USP49: variants seen among roughly 807,000 people sequenced by gnomAD.
USP49 encodes ubiquitin carboxyl-terminal hydrolase 49.
USP49 carries 24 observed loss-of-function variants against 58.6 expected under a neutral mutation model. That is an observed-to-expected ratio of 0.41 (90% confidence interval 0.30 to 0.58). USP49 has a LOEUF of 0.58. USP49 is among the 20% of genes least tolerant of loss of function. The pLI is 0.30. For missense variants in USP49, 703 were observed against 866.1 expected, an observed-to-expected ratio of 0.81 and a Z score of 2.36; for synonymous variants, 408 against 365.1, an observed-to-expected ratio of 1.12 and a Z score of -1.34.
intron 3 of USP49, among the ~76,000 whole-genome samples, chr6:41,833,312 G>A (rs1016371038): frequency 8.6e-5 from 13 of 151,950 alleles, no homozygotes; most frequent in Non-Finnish European, 1.5e-4. Context: ...CACCACGCCC[G>A]GCCTTGACAC....
chr6:41,871,128 T>C (rs778909133), intron 3 of USP49, among the ~76,000 whole-genome samples: 11 of 152,118 alleles, frequency 7.2e-5, no homozygotes, highest in Non-Finnish European at 1.0e-4. Context: ...AGAATTCTAT[T>C]TGATTACCAC....
rs752172891 is a variant in USP49 at position 41,881,139 on chromosome 6, G to A, written c.-102-9502C>T. ...AGTAGAGATGGGGTTTCACCATGTTGGCCAGGCTGATTTCAAACTCCTGAC... is the reference window on the plus strand; with the variant it reads ...AGTAGAGATGGGGTTTCACCATGTTAGCCAGGCTGATTTCAAACTCCTGAC... On this transcript the variant is annotated intron_variant, in intron 2 of 7. Coordinates refer to ENST00000682992, the MANE Select transcript of USP49 (RefSeq NM_001286554.2). Among the ~76,000 whole-genome samples the A allele has an allele frequency of 4.6e-5, 7 of 151,326 alleles. No homozygotes were observed. In the South Asian group the frequency reaches 1.0e-3, roughly 23 times the overall value.
chr6:41,868,817 A>G (rs961487840), intron 3 of USP49: 11 of 151,430 alleles, frequency 7.3e-5, no homozygotes, highest in Non-Finnish European at 1.2e-4. Flanking sequence ...AGGCTGGAGT[A>G]CAGTGGCGTG....
intron 1 of USP49, among the ~76,000 whole-genome samples, chr6:41,892,137 G>A (rs1774819803): frequency 6.6e-6 from 1 of 152,180 alleles, no homozygotes; most frequent in Non-Finnish European, 1.5e-5. Flanking sequence ...ATGAGACTCA[G>A]TGGTTTAGCA....
chr6:41,803,971 C>T lies in USP49; in HGVS notation c.1396G>A (p.Glu466Lys). 2 of 1,614,056 alleles carry T rather than the reference C, an allele frequency of 1.2e-6. No individual in the cohort carries two copies. The highest frequency in any genetic ancestry group is 1.7e-6 in the Non-Finnish European group (2 of 1,180,020). The change falls in exon 5 of 8, where the codon GAG becomes AAG. Residue 466 changes from glutamate (E) to lysine (K), a missense_variant. Transcript: ENST00000682992. This position sits in a 1 kb window ranked among gnomAD's most constrained non-coding sequence, Gnocchi z 4.1. ...TCCAGGGATAGGTCCCAAAAGGGCT[C>T]AATGGTATTGGATTTGTAATTGCAT... ...ISCNYKSNTI[E>K]PFWDLSLEFP...
chr6:41,811,286 T>C (rs1773253444), intron 3 of USP49, among the ~76,000 whole-genome samples: 1 of 152,214 alleles, frequency 6.6e-6, no homozygotes, highest in African/African-American at 2.4e-5. Flanking sequence ...CCTCCCTTTA[T>C]ACATGGTTTC....
chr6:41,856,167 A>T (rs1207322063), intron 3 of USP49, among the ~76,000 whole-genome samples: 1 of 152,098 alleles, frequency 6.6e-6, no homozygotes, highest in African/African-American at 2.4e-5. Flanking sequence ...AGGTCAGGAG[A>T]TCGAGACCAT....
rs538374949 is a variant in USP49 at position 41,799,631 on chromosome 6, G to A, written c.1670+199C>T. On this transcript the variant is annotated intron_variant, in intron 6 of 7. Transcript: ENST00000682992. The stretch of plus-strand genomic sequence containing the variant: ...TAATTAATTACACAGGAGCATGAGA[G>A]CAAAAGCCCAGTCCTGCTGGGCTCC... Among the ~76,000 whole-genome samples, 172 of 152,302 alleles carry A rather than the reference G, an allele frequency of 1.1e-3. 3 individuals are homozygous for A. The South Asian group carries it at 0.034, about 30-fold the overall frequency.
chr6:41,838,027 T>C (rs1450235013), intron 3 of USP49, among the ~76,000 whole-genome samples: 1 of 152,240 alleles, frequency 6.6e-6, no homozygotes, highest in African/African-American at 2.4e-5. Context: ...GTTCAGCTAC[T>C]GTGGAAAGCA....
intron 6 of USP49, 28 bp from the exon 7 acceptor site, chr6:41,798,957 A>T (rs753480365): frequency 6.2e-7 from 1 of 1,604,982 alleles, no homozygotes; most frequent in Non-Finnish European, 8.5e-7. Flanking sequence ...GCTTGTTACT[A>T]GTAAAAACTG....
chr6:41,833,335 G>T lies in USP49; in HGVS notation c.-28-26324C>A, dbSNP rs141267915. On this transcript the variant is annotated intron_variant, in intron 3 of 7. Transcript: ENST00000682992. ...CCGGCCTTGACACAGTATTTCTGTA[G>T]TTCTATAGTTTCCTCATACTGTTCA... Among the ~76,000 whole-genome samples the T allele has an allele frequency of 2.9e-4, 44 of 152,132 alleles. 1 individual carries two copies. In the East Asian group the frequency reaches 7.3e-3, roughly 25 times the overall value.
chr6:41,851,716 A>G (rs1774031214), intron 3 of USP49, among the ~76,000 whole-genome samples: 1 of 151,182 alleles, frequency 6.6e-6, no homozygotes, highest in Admixed American at 6.6e-5. Context: ...GCACTTTGGG[A>G]GGCCAAGGCA....
intron 3 of USP49, among the ~76,000 whole-genome samples, chr6:41,828,896 T>C (rs1020292978): frequency 1.3e-5 from 2 of 152,182 alleles, no homozygotes; most frequent in Non-Finnish European, 2.9e-5. Flanking sequence ...GAAATTTTGA[T>C]TGGCATTTAT....
Position 41,805,677 on chromosome 6 carries a change from T to C in USP49, c.1307A>G (p.Gln436Arg), listed in dbSNP as rs1773101040. 3.7e-6 allele frequency: 6 copies of C among 1,614,104 alleles called. No homozygotes were observed. Among genetic ancestry groups the C allele is most frequent in the Non-Finnish European group, 5.1e-6 (6 of 1,179,994 alleles). ...TATGGTATTCACCACCTTTAAGACC[T>C]GTTTGGTGAGCTTCCTCTGGGAGAA... The part of the protein sequence containing the change: ...IPFSQRKLTK[Q>R]VLKVVNTIFH... The change falls in exon 4 of 8, where the codon CAG (glutamine) becomes CGG (arginine). Residue 436 changes from glutamine to arginine, a missense_variant. Physicochemically the swap from Gln to Arg is conservative, Grantham distance 43. Transcript: ENST00000682992.
chr6:41,796,250 C>T lies in USP49; in HGVS notation c.*283G>A. ...GATATGATTGATTTACCCCCCCGCC[C>T]CGCTTTCCTCCACCCAGATCCCTCT... On this transcript the variant is annotated 3_prime_UTR_variant, in exon 8 of 8. Coordinates refer to ENST00000682992, the MANE Select transcript of USP49 (RefSeq NM_001286554.2). 3.1e-6 allele frequency: 1 copy of T among 320,584 alleles called. No homozygotes were observed. The highest frequency in any genetic ancestry group is 5.8e-6 in the Non-Finnish European group (1 of 171,358). 19.9% of individuals were successfully genotyped at this position (320,584 alleles called of 1,614,324 possible).
At chr6:41,833,926 C>A (rs1189891617) in intron 3 of USP49, among the ~76,000 whole-genome samples, 1 of 152,198 alleles carries the variant, frequency 6.6e-6, no homozygotes, top group East Asian at 1.9e-4. Flanking sequence ...CAAAACACTT[C>A]CAATGTTGGT....
At chr6:41,848,615 T>C (rs1430663875) in intron 3 of USP49, among the ~76,000 whole-genome samples, 1 of 151,998 alleles carries the variant, frequency 6.6e-6, no homozygotes, top group Non-Finnish European at 1.5e-5. Context: ...TCCCCGCACT[T>C]TGGGAGGCCA....
intron 7 of USP49, chr6:41,798,455 T>C (rs903547688): frequency 1.2e-6 from 1 of 840,594 alleles, no homozygotes. Flanking sequence ...TGTACTATTT[T>C]AGTAGAGACG....
intron 2 of USP49, among the ~76,000 whole-genome samples, chr6:41,872,017 T>C (rs911964285): frequency 3.3e-5 from 5 of 152,260 alleles, no homozygotes; most frequent in African/African-American, 9.6e-5. Flanking sequence ...GCTAAAATTA[T>C]TTTTGCGTAA....
Sources: allele counts gnomAD v4.1 joint callset (sites outside exome capture counted in the v4.1 genomes callset), GRCh38; gene constraint gnomAD v4.1.1; non-coding constraint Gnocchi (gnomAD v3.1); transcripts MANE v1.5; gene names NCBI Gene and HGNC (gene_info 2026-07-23, HGNC 2026-07-21).